The following RIC8B variants were observed in gnomAD, a reference collection of about 807,000 sequenced individuals.
RIC8B encodes the protein RIC8 guanine nucleotide exchange factor B, also known as chaperone Ric-8B.
A neutral mutation model predicts 57.5 loss-of-function variants in RIC8B; 16 were observed. The observed-to-expected ratio is 0.28, with a 90% confidence interval of 0.19 to 0.42. The LOEUF (loss-of-function observed/expected upper bound fraction) is 0.42. Among genes scored for constraint, RIC8B ranks in the 10% least tolerant of loss-of-function variants. RIC8B has a pLI of 1.00. For missense variants in RIC8B, 481 were observed against 677.0 expected (o/e 0.71, Z 3.21); for synonymous variants, 216 against 250.8 (o/e 0.86, Z 1.31).
intron 6 of RIC8B, among the ~76,000 whole-genome samples, chr12:106,847,754 A>G (rs1353230205): frequency 6.6e-6 from 1 of 152,230 alleles, no homozygotes; most frequent in Non-Finnish European, 1.5e-5. Flanking sequence ...ATAGGTGCAC[A>G]GTAAGTTCTT....
At chr12:106,860,958 A>G (rs967548347) in intron 8 of RIC8B, among the ~76,000 whole-genome samples, 5 of 151,026 alleles carry the variant, frequency 3.3e-5, no homozygotes, top group African/African-American at 7.4e-5. Flanking sequence ...CATTAGTGCA[A>G]TGAGTAGGCA....
chr12:106,885,931 A>T lies in RIC8B; in HGVS notation c.1599A>T (p.Leu533=). 1 of 1,613,616 alleles carries T rather than the reference A, an allele frequency of 6.2e-7. No individual in the cohort carries two copies. The highest frequency in any genetic ancestry group is 1.3e-5 in the African/African-American group (1 of 74,976). ...AGGAGTTGCTTAAACCAATGGGACT[A>T]AAACCTGATGGGACAATAACGCCTT... is the stretch of plus-strand genomic sequence containing the variant. The part of the protein sequence containing the change: ...SREELLKPMG[L]KPDGTITPLE... Residue 533 remains leucine, a synonymous_variant, in exon 10 of 10, where the codon CTA becomes CTT. Coordinates refer to ENST00000392837, the MANE Select transcript of RIC8B (RefSeq NM_001330145.2).
At chr12:106,843,368 T>C (rs963304434) in intron 5 of RIC8B, among the ~76,000 whole-genome samples, 1 of 152,022 alleles carries the variant, frequency 6.6e-6, no homozygotes, top group African/African-American at 2.4e-5. Flanking sequence ...TCCTAGAAAA[T>C]GTAGGAACAT....
At chr12:106,826,107 A>G (rs1332676903) in intron 4 of RIC8B, among the ~76,000 whole-genome samples, 1 of 152,228 alleles carries the variant, frequency 6.6e-6, no homozygotes, top group Non-Finnish European at 1.5e-5. Flanking sequence ...ATCCAGAACA[A>G]CAATAATAGT....
intron 2 of RIC8B, among the ~76,000 whole-genome samples, chr12:106,798,340 A>C (rs1411059020): frequency 6.6e-6 from 1 of 152,080 alleles, no homozygotes; most frequent in Non-Finnish European, 1.5e-5. Context: ...CCACGTTCTC[A>C]ACTCCTCTAT....
At chr12:106,776,027 C>G (rs1338438313) in intron 1 of RIC8B, among the ~76,000 whole-genome samples, 2 of 152,158 alleles carry the variant, frequency 1.3e-5, no homozygotes, top group African/African-American at 4.8e-5. Flanking sequence ...TTAATCTTCC[C>G]AACAACCCTG....
intron 2 of RIC8B, among the ~76,000 whole-genome samples, chr12:106,789,513 G>A (rs2044176786): frequency 6.6e-6 from 1 of 152,110 alleles, no homozygotes; most frequent in African/African-American, 2.4e-5. Context: ...ATTCCACATG[G>A]CTGGGGAGGC....
At chr12:106,775,183 A>G (rs1451025283) in intron 1 of RIC8B, 4 of 416,678 alleles carry the variant, frequency 9.6e-6, no homozygotes, top group Non-Finnish European at 1.4e-5. Flanking sequence ...CCTGTATAGC[A>G]TAAAAATACG....
intron 4 of RIC8B, among the ~76,000 whole-genome samples, chr12:106,832,062 T>G (rs1225115770): frequency 1.3e-5 from 2 of 152,146 alleles, no homozygotes; most frequent in Non-Finnish European, 2.9e-5. Context: ...TTCCCAGATC[T>G]TTAAGAGGCT....
At chr12:106,863,251 A>T (rs1187460429) in intron 8 of RIC8B, among the ~76,000 whole-genome samples, 1 of 151,992 alleles carries the variant, frequency 6.6e-6, no homozygotes, top group African/African-American at 2.4e-5. Flanking sequence ...TGCTTTGTGG[A>T]GGGATAGGAG....
chr12:106,862,264 A>C (rs1200938637), intron 8 of RIC8B, among the ~76,000 whole-genome samples: 2 of 152,110 alleles, frequency 1.3e-5, no homozygotes, highest in African/African-American at 4.8e-5. Context: ...AACACTGCTC[A>C]TTATAAGTAT....
At chr12:106,800,322 G>A (rs1301511911) in intron 2 of RIC8B, among the ~76,000 whole-genome samples, 2 of 152,062 alleles carry the variant, frequency 1.3e-5, no homozygotes, top group Non-Finnish European at 2.9e-5. Context: ...AGGCAAAGCT[G>A]GAGGGAGACA....
intron 4 of RIC8B, among the ~76,000 whole-genome samples, chr12:106,832,990 A>G (rs1246232010): frequency 6.6e-6 from 1 of 152,026 alleles, no homozygotes; most frequent in Non-Finnish European, 1.5e-5. Flanking sequence ...GCTGAGATCT[A>G]TCCCTTTTGT....
intron 2 of RIC8B, among the ~76,000 whole-genome samples, chr12:106,811,972 T>A (rs912351639): frequency 6.6e-6 from 1 of 152,236 alleles, no homozygotes; most frequent in African/African-American, 2.4e-5. Context: ...TTTATTTGTT[T>A]CTAATAATAT....
chr12:106,832,560 C>T (rs531642203), intron 4 of RIC8B, among the ~76,000 whole-genome samples: 1 of 129,560 alleles, frequency 7.7e-6, no homozygotes, highest in East Asian at 2.1e-4. Context: ...GAGCAAGACT[C>T]TGTATGAAAA....
chr12:106,888,675 G>A lies in RIC8B; in HGVS notation c.*2660G>A, dbSNP rs1271151571. 6.6e-6 allele frequency: 1 copy of A among 152,648 alleles called. No individual in the cohort carries two copies. Among genetic ancestry groups the A allele is most frequent in the African/African-American group, 2.4e-5 (1 of 41,448 alleles). 9.5% of individuals were successfully genotyped at this position (152,648 alleles called of 1,614,324 possible). A position where few individuals can be genotyped will look rare whatever the true frequency, so the allele number is the denominator to read the frequency against. On this transcript the variant is annotated 3_prime_UTR_variant, in exon 10 of 10. Transcript: ENST00000392837. The stretch of plus-strand genomic sequence containing the variant: ...TTTTTAAGCAGGGAAGTGACCTGAA[G>A]TGGAAGTATGAGTGGGAAACTTGCA...
At chr12:106,830,879 A>AT (rs1013508195) in intron 4 of RIC8B, among the ~76,000 whole-genome samples, 8 of 151,802 alleles carry the variant, frequency 5.3e-5, no homozygotes, top group Non-Finnish European at 7.4e-5. Flanking sequence ...GATATCACAG[A>AT]TTTTTTTTTA....
intron 8 of RIC8B, among the ~76,000 whole-genome samples, chr12:106,865,462 CAAAA>C (rs772879339): frequency 9.8e-4 from 149 of 152,158 alleles, no homozygotes; most frequent in Middle Eastern, 6.8e-3. Flanking sequence ...AAACAGAAAA[CAAAA>C]GAAAGAAAAT....
intron 1 of RIC8B, among the ~76,000 whole-genome samples, chr12:106,780,030 C>T (rs554339401): frequency 6.6e-6 from 1 of 152,032 alleles, no homozygotes; most frequent in Admixed American, 6.5e-5. Context: ...TCTAATAACA[C>T]ATTTAGTAGA....
Sources: allele counts gnomAD v4.1 joint callset (sites outside exome capture counted in the v4.1 genomes callset), GRCh38; gene constraint gnomAD v4.1.1; transcripts MANE v1.5; gene names NCBI Gene and HGNC (gene_info 2026-07-23, HGNC 2026-07-21).